The following NKAIN2 variants were observed in gnomAD, a reference collection of about 807,000 sequenced individuals.
NKAIN2 encodes sodium/potassium-transporting ATPase subunit beta-1-interacting protein 2.
NKAIN2 carries 14 observed loss-of-function variants against 32.6 expected under a neutral mutation model. The observed-to-expected ratio is 0.43, with a 90% CI of 0.28 to 0.67. The LOEUF (loss-of-function observed/expected upper bound fraction) is 0.67, where lower values mean the gene tolerates loss of function less well. Among genes scored for constraint, NKAIN2 ranks in the 30% least tolerant of loss-of-function variants. The pLI, the probability that NKAIN2 is intolerant of heterozygous loss-of-function variation, is 0.17. For synonymous variants in NKAIN2, 80 were observed against 87.2 expected (o/e 0.92, Z 0.46); for missense variants, 198 against 258.3 (o/e 0.77, Z 1.60).
chr6:123,933,049 A>G (rs763630896), intron 1 of NKAIN2, among the ~76,000 whole-genome samples: 2 of 152,210 alleles, frequency 1.3e-5, no homozygotes, highest in Non-Finnish European at 2.9e-5. Flanking sequence ...AACATCAGCA[A>G]TTCTTAGCCC....
chr6:124,614,670 G>T (rs1022961419), intron 3 of NKAIN2, among the ~76,000 whole-genome samples: 1 of 150,702 alleles, frequency 6.6e-6, no homozygotes, highest in African/African-American at 2.5e-5. Context: ...TTCCTTTAAT[G>T]AAGATGTTGG....
chr6:124,301,566 G>A (rs1796293435), intron 2 of NKAIN2, among the ~76,000 whole-genome samples: 1 of 152,168 alleles, frequency 6.6e-6, no homozygotes, highest in Admixed American at 6.5e-5. Flanking sequence ...GCCCCTGAAA[G>A]CGGCTAGGAG....
chr6:124,626,461 G>A (rs1783349570), intron 3 of NKAIN2, among the ~76,000 whole-genome samples: 1 of 152,032 alleles, frequency 6.6e-6, no homozygotes, highest in Admixed American at 6.6e-5. Context: ...ATACAATGCA[G>A]ATTCATGGGC....
intron 3 of NKAIN2, among the ~76,000 whole-genome samples, chr6:124,635,078 CAAAGAAAGAAAGAG>C (rs1272628707): frequency 1.4e-5 from 2 of 147,760 alleles, no homozygotes; most frequent in East Asian, 3.9e-4. Context: ...AGAAAAAAGA[CAAAGAAAGAAAGAG>C]AAAGAAAGAG....
At chr6:124,392,155 T>C (rs1773170574) in intron 3 of NKAIN2, among the ~76,000 whole-genome samples, 1 of 152,120 alleles carries the variant, frequency 6.6e-6, no homozygotes. Context: ...AACTGGAAAA[T>C]TTGTTGGATA....
intron 1 of NKAIN2, among the ~76,000 whole-genome samples, chr6:123,867,505 A>G (rs1277012929): frequency 6.6e-6 from 1 of 152,234 alleles, no homozygotes; most frequent in Non-Finnish European, 1.5e-5. Context: ...TAAAAATACC[A>G]TGAGAATAAA....
intron 4 of NKAIN2, among the ~76,000 whole-genome samples, chr6:124,755,275 C>T (rs1412862925): frequency 6.6e-6 from 1 of 152,118 alleles, no homozygotes; most frequent in Non-Finnish European, 1.5e-5. Flanking sequence ...CCAAAGGACT[C>T]AGCAAGCCAG....
chr6:124,230,984 G>A (rs1418470730), intron 1 of NKAIN2, among the ~76,000 whole-genome samples: 1 of 152,218 alleles, frequency 6.6e-6, no homozygotes, highest in African/African-American at 2.4e-5. Context: ...CTCTGCATCT[G>A]GAAAAGACAC....
intron 3 of NKAIN2, among the ~76,000 whole-genome samples, chr6:124,445,254 A>G (rs1003579306): frequency 1.3e-5 from 2 of 152,138 alleles, no homozygotes; most frequent in Non-Finnish European, 2.9e-5. Flanking sequence ...GGAAAAGTAT[A>G]TCATTCACTT....
At chr6:123,876,008 G>A (rs1773151151) in intron 1 of NKAIN2, among the ~76,000 whole-genome samples, 1 of 151,926 alleles carries the variant, frequency 6.6e-6, no homozygotes, top group Admixed American at 6.6e-5. Flanking sequence ...TGACCACATT[G>A]TTATAATTGT....
At chr6:123,821,468 A>G (rs932158759) in intron 1 of NKAIN2, among the ~76,000 whole-genome samples, 1 of 152,152 alleles carries the variant, frequency 6.6e-6, no homozygotes, top group East Asian at 1.9e-4. Flanking sequence ...TTGATTTGGC[A>G]TTTGACTTTG....
At chr6:124,098,161 T>G (rs1169335022) in intron 1 of NKAIN2, among the ~76,000 whole-genome samples, 5 of 152,150 alleles carry the variant, frequency 3.3e-5, no homozygotes, top group Non-Finnish European at 7.3e-5. Context: ...AACTAAATGG[T>G]CTTTATTGTT....
intron 4 of NKAIN2, among the ~76,000 whole-genome samples, chr6:124,689,918 T>A (rs980352286): frequency 6.6e-6 from 1 of 152,146 alleles, no homozygotes; most frequent in Admixed American, 6.6e-5. Flanking sequence ...TTTCCTCCAA[T>A]ATTGTGTTGT....
intron 3 of NKAIN2, among the ~76,000 whole-genome samples, chr6:124,405,066 A>G (rs1389105674): frequency 2.6e-5 from 4 of 152,186 alleles, no homozygotes; most frequent in Non-Finnish European, 5.9e-5. Flanking sequence ...CTTCTATAGT[A>G]GTGTCCACTG....
intron 1 of NKAIN2, among the ~76,000 whole-genome samples, chr6:124,140,437 A>T (rs981641055): frequency 6.6e-6 from 1 of 152,178 alleles, no homozygotes; most frequent in African/African-American, 2.4e-5. Flanking sequence ...GAAAGACATG[A>T]TCTATGCAGT....
chr6:124,527,968 A>G (rs1562239251), intron 3 of NKAIN2, among the ~76,000 whole-genome samples: 1 of 152,190 alleles, frequency 6.6e-6, no homozygotes, highest in Non-Finnish European at 1.5e-5. Flanking sequence ...AGTGGCAAAT[A>G]ATGAAGTTGG....
chr6:124,491,703 C>T (rs1384542930), intron 3 of NKAIN2, among the ~76,000 whole-genome samples: 2 of 151,752 alleles, frequency 1.3e-5, no homozygotes, highest in East Asian at 1.9e-4. Flanking sequence ...ATCAATAAAT[C>T]TAAAATTTGC....
intron 1 of NKAIN2, among the ~76,000 whole-genome samples, chr6:124,225,680 A>G (rs1349492930): frequency 6.6e-6 from 1 of 151,928 alleles, no homozygotes; most frequent in East Asian, 1.9e-4. Context: ...AATATGAGAA[A>G]CACTTATTTT....
At position 124,268,035 on chromosome 6, in the gene NKAIN2, T is replaced by TA. The variant is rs1226381677; in HGVS notation, c.55-14966dup. 7.9e-5 allele frequency among the ~76,000 whole-genome samples: 12 copies of TA among 152,344 alleles called. No individual in the cohort carries two copies. The East Asian group carries it at 1.5e-3, about 20-fold the overall frequency. On this transcript the variant is annotated intron_variant, in intron 1 of 6. Transcript: ENST00000368417. ...ATGCTTAAACTTCATTTTCATTTTT[T>TA]AAAACCTTATTTTTCCACTCATAAG...
Sources: gnomAD v4.1 joint callset for allele counts (sites outside exome capture counted in the v4.1 genomes callset) on GRCh38, gnomAD v4.1.1 for gene constraint, MANE v1.5 for transcripts, NCBI Gene and HGNC (gene_info 2026-07-23, HGNC 2026-07-21) for gene names.